Variants in HHIP observed in about 807,000 individuals in gnomAD.
HHIP encodes hedgehog interacting protein.
A neutral mutation model predicts 74.0 loss-of-function variants in HHIP; 12 were observed. That is an observed-to-expected ratio of 0.16 (90% CI 0.10 to 0.26). The LOEUF is 0.26. HHIP is among the 10% of genes least tolerant of loss of function. The pLI is 1.00. For synonymous variants in HHIP, 309 were observed against 311.6 expected, an observed-to-expected ratio of 0.99 and a Z score of 0.09; for missense variants, 788 against 845.0, an observed-to-expected ratio of 0.93 and a Z score of 0.84.
chr4:144,666,730 T>A (rs1341335490), intron 4 of HHIP, among the ~76,000 whole-genome samples: 1 of 152,208 alleles, frequency 6.6e-6, no homozygotes, highest in Non-Finnish European at 1.5e-5. Flanking sequence ...GGTGTCAGCA[T>A]GCTCAGTGAG....
At position 144,651,287 on chromosome 4, in the gene HHIP, TA is replaced by T. The variant is rs751727732; in HGVS notation, c.280-1317del. Among the ~76,000 whole-genome samples, 5 of 152,254 alleles carry T rather than the reference TA, an allele frequency of 3.3e-5. No individual in the cohort carries two copies. In the East Asian group the frequency reaches 9.6e-4, roughly 29 times the overall value. ...TGTAATTAATAATAACCTTTCTTTA[TA>T]TTGTAGCTACAACCCATTATACATT... On this transcript the variant is annotated intron_variant, in intron 1 of 12. Coordinates refer to ENST00000296575, the MANE Select transcript of HHIP (RefSeq NM_022475.3).
At chr4:144,647,160 C>G (rs1454038683) in intron 1 of HHIP, 1 of 511,418 alleles carries the variant, frequency 2.0e-6, no homozygotes, top group Admixed American at 3.5e-5. Context: ...AGTCCGCGGT[C>G]GGGATGCTGT....
At chr4:144,730,046 T>C (rs922104242) in intron 11 of HHIP, among the ~76,000 whole-genome samples, 2 of 152,168 alleles carry the variant, frequency 1.3e-5, no homozygotes, top group African/African-American at 4.8e-5. Context: ...TCCCCTAAAT[T>C]AAATATCATG....
intron 4 of HHIP, among the ~76,000 whole-genome samples, chr4:144,678,066 A>C (rs548978543): frequency 6.6e-5 from 10 of 152,324 alleles, no homozygotes; most frequent in African/African-American, 2.4e-4. Flanking sequence ...GAATCCTTGT[A>C]GGAAACACAT....
chr4:144,652,203 G>C (rs1728444311), intron 1 of HHIP, among the ~76,000 whole-genome samples: 1 of 152,034 alleles, frequency 6.6e-6, no homozygotes, highest in Admixed American at 6.6e-5. Flanking sequence ...AATAAGCCAT[G>C]TCTTGAAAAA....
intron 4 of HHIP, among the ~76,000 whole-genome samples, chr4:144,671,723 G>A (rs1207214310): frequency 2.0e-5 from 3 of 152,138 alleles, no homozygotes; most frequent in Non-Finnish European, 4.4e-5. Context: ...GGTCAGCCAC[G>A]CCTGTAATCC....
In HHIP at chr4:144,738,380, A is replaced by T. The variant is rs928304627; in HGVS notation, c.*423A>T. On this transcript the variant is annotated 3_prime_UTR_variant, in exon 13 of 13. Coordinates refer to ENST00000296575, the MANE Select transcript of HHIP (RefSeq NM_022475.3). ...CAATCCGATGGATCTAATTAAAAAA[A>T]AGGCAATATTTTTATATTAAAGTAC... 9.2e-6 allele frequency: 9 copies of T among 976,610 alleles called. No individual in the cohort carries two copies. Among genetic ancestry groups the T allele is most frequent in the Non-Finnish European group, 1.1e-5 (9 of 821,574 alleles). 60.5% of individuals were successfully genotyped at this position (976,610 alleles called of 1,614,324 possible). A position where few individuals can be genotyped will look rare whatever the true frequency, so the allele number is the denominator to read the frequency against.
intron 11 of HHIP, among the ~76,000 whole-genome samples, chr4:144,727,520 C>T (rs778475002): frequency 3.3e-5 from 5 of 152,144 alleles, no homozygotes; most frequent in Non-Finnish European, 7.4e-5. Context: ...TCTATATTCA[C>T]TGCTCATATT....
rs1474668205 is a variant in HHIP at position 144,740,077 on chromosome 4, A to T, written c.*2120A>T. The T allele has an allele frequency of 2.0e-5, 3 of 152,188 alleles. No individual in the cohort carries two copies. Among genetic ancestry groups the T allele is most frequent in the African/African-American group, 7.2e-5 (3 of 41,440 alleles). The allele number at this position is 152,188 out of a possible 1,614,324, so 9.4% of individuals were successfully genotyped here. On this transcript the variant is annotated 3_prime_UTR_variant, in exon 13 of 13. Coordinates refer to ENST00000296575, the MANE Select transcript of HHIP (RefSeq NM_022475.3). The stretch of plus-strand genomic sequence containing the variant: ...CGTGGGTGACATTAACAAAATGTGA[A>T]CTTCTTGTGAGGGAGCCAGCTGTCT...
intron 4 of HHIP, among the ~76,000 whole-genome samples, chr4:144,668,130 G>A (rs894116074): frequency 2.0e-5 from 3 of 151,478 alleles, no homozygotes; most frequent in Non-Finnish European, 4.4e-5. Context: ...CAGCCTGGCC[G>A]ACGTGGTGAA....
At chr4:144,674,096 TTC>T (rs1464653208) in intron 4 of HHIP, among the ~76,000 whole-genome samples, 2 of 152,320 alleles carry the variant, frequency 1.3e-5, no homozygotes, top group African/African-American at 2.4e-5. Context: ...TCCAAAACAA[TTC>T]TCTGTTTGGA....
chr4:144,650,656 T>C (rs1490916893), intron 1 of HHIP: 2 of 152,070 alleles, frequency 1.3e-5, no homozygotes, highest in African/African-American at 4.8e-5. Context: ...TATCTTCAAA[T>C]AGGTATTTAC....
In HHIP at chr4:144,730,768, T is replaced by A. The variant is rs191638079; in HGVS notation, c.1761-3973T>A. ...AGGTACTGTTTATTCCTTTTTTGTT[T>A]CTCTTTATTTCATGTAAAAGGGCCC... On this transcript the variant is annotated intron_variant, in intron 11 of 12. Transcript: ENST00000296575. Among the ~76,000 whole-genome samples the A allele has an allele frequency of 3.2e-4, 48 of 152,272 alleles. 1 individual carries two copies. Among genetic ancestry groups the A allele is most frequent in the Admixed American group, 1.9e-3 (29 of 15,290 alleles).
rs199620983 is a variant in HHIP, at chr4:144,658,801, A to G, written c.484A>G (p.Thr162Ala). Residue 162 changes from threonine to alanine, a missense_variant, in exon 3 of 13, where the codon ACA becomes GCA. By Grantham distance (58) the Thr-to-Ala change is moderately conservative. This residue lies in a region of HHIP where 373 missense variants were observed against 366.4 expected (regional missense o/e 1.02). Transcript: ENST00000296575. Reference protein sequence around the residue: ...CRGHIPGFLQTTADEFCFYYA... With the variant: ...CRGHIPGFLQATADEFCFYYA... ...TATATTTTTTAAAGGTTTCCTTCAA[A>G]CAACTGCGGATGAGTTTTGCTTTTA... 194 of 1,611,598 alleles carry G rather than the reference A, an allele frequency of 1.2e-4. 1 individual carries two copies. The Middle Eastern group carries it at 4.1e-3, about 34-fold the overall frequency.
intron 4 of HHIP, among the ~76,000 whole-genome samples, chr4:144,684,232 ATTTTTTTTTTT>A (rs1174297815): frequency 7.9e-5 from 5 of 62,928 alleles, no homozygotes; most frequent in African/African-American, 3.1e-4. Flanking sequence ...AAAAAAAAGA[ATTTTTTTTTTT>A]TTTTTTTTTT....
At chr4:144,689,414 C>T (rs1051448828) in intron 4 of HHIP, among the ~76,000 whole-genome samples, 4 of 152,110 alleles carry the variant, frequency 2.6e-5, no homozygotes, top group East Asian at 1.9e-4. Context: ...CTAGTGTTAC[C>T]GCTTAATACT....
chr4:144,660,345 G>A (rs959265417), intron 4 of HHIP: 7 of 156,406 alleles, frequency 4.5e-5, no homozygotes, highest in Non-Finnish European at 8.4e-5. Flanking sequence ...AACATATATT[G>A]CCCTCTTTTT....
At chr4:144,687,690 A>G (rs763782093) in intron 4 of HHIP, among the ~76,000 whole-genome samples, 35 of 150,580 alleles carry the variant, frequency 2.3e-4, no homozygotes, top group Non-Finnish European at 3.7e-4. Context: ...CCACAGAGCC[A>G]TAAAACTCAC....
rs1368553535 is a variant in HHIP at position 144,743,913 on chromosome 4, C to T, written c.*5956C>T. 5 of 151,926 alleles carry T rather than the reference C, an allele frequency of 3.3e-5. No homozygotes were observed. The highest frequency in any genetic ancestry group is 9.7e-5 in the African/African-American group (4 of 41,388). 9.4% of individuals were successfully genotyped at this position (151,926 alleles called of 1,614,324 possible). ...AGGTTTGGGATAGTATGCCCAAAAC[C>T]TATGTTTCTTTACTTTATATTCTTA... On this transcript the variant is annotated 3_prime_UTR_variant, in exon 13 of 13. Coordinates refer to ENST00000296575, the MANE Select transcript of HHIP (RefSeq NM_022475.3).
Sources: gnomAD v4.1 joint callset for allele counts (sites outside exome capture counted in the v4.1 genomes callset) on GRCh38, gnomAD v4.1.1 for gene constraint, gnomAD v4.1.1 regional missense constraint, MANE v1.5 for transcripts, NCBI Gene and HGNC (gene_info 2026-07-23, HGNC 2026-07-21) for gene names.